The following AGBL1 variants were observed in gnomAD, a reference collection of about 807,000 sequenced individuals.
AGBL1 encodes AGBL carboxypeptidase 1, also known as cytosolic carboxypeptidase 4.
A neutral mutation model predicts 118.9 loss-of-function variants in AGBL1; 130 were observed. The ratio of observed to expected loss-of-function variants is 1.09; its 90% CI spans 0.95 to 1.26. The LOEUF is 1.26. AGBL1 is among the 50% of genes most tolerant of loss of function. The pLI is 0.00. For synonymous variants in AGBL1, 555 were observed against 478.9 expected, an observed-to-expected ratio of 1.16 and a Z score of -2.08; for missense variants, 1,584 against 1,298.1, an observed-to-expected ratio of 1.22 and a Z score of -3.38.
intron 3 of AGBL1, among the ~76,000 whole-genome samples, chr15:86,152,338 C>T (rs2077124579): frequency 6.6e-6 from 1 of 152,070 alleles, no homozygotes; most frequent in Non-Finnish European, 1.5e-5. Flanking sequence ...TGGAACAGAA[C>T]AGAGGACTCA....
chr15:86,421,653 T>C (rs960904797), intron 18 of AGBL1, among the ~76,000 whole-genome samples: 4 of 152,138 alleles, frequency 2.6e-5, no homozygotes, highest in Non-Finnish European at 5.9e-5. Context: ...AGACAAAGAC[T>C]GGCAAATTGG....
At chr15:86,824,272 C>A (rs541405388) in intron 22 of AGBL1, among the ~76,000 whole-genome samples, 2 of 152,030 alleles carry the variant, frequency 1.3e-5, no homozygotes, top group African/African-American at 4.8e-5. Context: ...ACACAAAAAC[C>A]AATCATTTTT....
chr15:86,414,192 G>A (rs2081658926), intron 18 of AGBL1, among the ~76,000 whole-genome samples: 1 of 152,132 alleles, frequency 6.6e-6, no homozygotes. Context: ...AGGTGAGGAG[G>A]AGGTGGGTGA....
chr15:86,922,485 T>C (rs1284492938), intron 23 of AGBL1, among the ~76,000 whole-genome samples: 1 of 152,110 alleles, frequency 6.6e-6, no homozygotes, highest in Non-Finnish European at 1.5e-5. Context: ...AGAGACAGGG[T>C]TTCACCCTGT....
At chr15:86,223,457 C>T (rs2141925245) in intron 5 of AGBL1, among the ~76,000 whole-genome samples, 1 of 152,284 alleles carries the variant, frequency 6.6e-6, no homozygotes, top group African/African-American at 2.4e-5. Flanking sequence ...TATACTATGG[C>T]ACCTGGATTT....
At chr15:86,794,555 G>A (rs1452452) in intron 22 of AGBL1, among the ~76,000 whole-genome samples, 144,989 of 152,272 alleles carry the variant, frequency 0.95, 69,051 homozygotes, top group East Asian at 1. Context: ...TGTGAGCGCA[G>A]TAAAAGCTAC....
At chr15:86,522,566 T>C (rs1286804515) in intron 18 of AGBL1, among the ~76,000 whole-genome samples, 2 of 152,236 alleles carry the variant, frequency 1.3e-5, no homozygotes, top group African/African-American at 4.8e-5. Context: ...CTTAAAACTC[T>C]GATAATCTGA....
intron 23 of AGBL1, among the ~76,000 whole-genome samples, chr15:86,962,151 T>G (rs1021433117): frequency 2.0e-5 from 3 of 152,136 alleles, no homozygotes; most frequent in Non-Finnish European, 4.4e-5. Flanking sequence ...TAGCAGTGTT[T>G]GAAAAGAAAG....
chr15:86,449,252 A>G (rs557789019), intron 18 of AGBL1, among the ~76,000 whole-genome samples: 34 of 152,220 alleles, frequency 2.2e-4, no homozygotes, highest in Admixed American at 3.9e-4. Context: ...GCCAGACACT[A>G]TGCTTAAGCA....
In AGBL1 at chr15:86,869,484, A is replaced by G. The variant is rs565110934; in HGVS notation, c.3159-37603A>G. Among the ~76,000 whole-genome samples the G allele has an allele frequency of 2.0e-5, 3 of 152,202 alleles. No homozygotes were observed. In the East Asian group the frequency reaches 5.8e-4, roughly 29 times the overall value. ...TTTTAATCTAAGATATGGTAAAGCT[A>G]AATGACACACTAGTGTTCAACTTCC... is the stretch of plus-strand genomic sequence containing the variant. On this transcript the variant is annotated intron_variant, in intron 22 of 22. Coordinates refer to ENST00000614907, the MANE Select transcript of AGBL1 (RefSeq NM_001386094.1).
intron 22 of AGBL1, among the ~76,000 whole-genome samples, chr15:86,746,847 C>T (rs1368976151): frequency 6.6e-6 from 1 of 151,994 alleles, no homozygotes; most frequent in Non-Finnish European, 1.5e-5. Flanking sequence ...AACAATATAA[C>T]TATAAATTCT....
intron 23 of AGBL1, chr15:86,939,592 A>G (rs1838515793): frequency 6.6e-6 from 1 of 152,174 alleles, no homozygotes; most frequent in Non-Finnish European, 1.5e-5. Flanking sequence ...CCCTTCAAAT[A>G]TACATCTATC....
At chr15:86,716,021 G>T (rs1273841326) in intron 22 of AGBL1, among the ~76,000 whole-genome samples, 2 of 149,442 alleles carry the variant, frequency 1.3e-5, no homozygotes, top group African/African-American at 2.5e-5. Context: ...AGCTGAGATG[G>T]TACCACTGCA....
rs550071632 is a variant in AGBL1, at chr15:86,764,407, G to A, written c.3158+89971G>A. Among the ~76,000 whole-genome samples the A allele has an allele frequency of 1.1e-4, 16 of 152,046 alleles. 1 individual carries two copies. The South Asian group carries it at 3.3e-3, about 32-fold the overall frequency. On this transcript the variant is annotated intron_variant, in intron 22 of 22. Coordinates refer to ENST00000614907, the MANE Select transcript of AGBL1 (RefSeq NM_001386094.1). ...GAAGGCAAGATAGGAATATGATAGG[G>A]GTATTGGCCAAAGTAATTAACTGAG... is the stretch of plus-strand genomic sequence containing the variant.
At chr15:86,340,923 C>T (rs913175936) in intron 17 of AGBL1, among the ~76,000 whole-genome samples, 2 of 152,282 alleles carry the variant, frequency 1.3e-5, no homozygotes, top group South Asian at 2.1e-4. Flanking sequence ...GACCACTACT[C>T]CTCACGTGGT....
chr15:86,802,647 G>A (rs1366988473), intron 22 of AGBL1, among the ~76,000 whole-genome samples: 1 of 152,112 alleles, frequency 6.6e-6, no homozygotes, highest in Non-Finnish European at 1.5e-5. Context: ...GCATATCATT[G>A]TTTCTGACCT....
intron 18 of AGBL1, among the ~76,000 whole-genome samples, chr15:86,411,672 C>T (rs532574195): frequency 2.6e-5 from 4 of 152,230 alleles, no homozygotes; most frequent in Admixed American, 2.6e-4. Flanking sequence ...CTTTCTGCCC[C>T]CTACCCTTCC....
chr15:86,674,540 A>G (rs1426825440), intron 22 of AGBL1, 104 bp downstream of exon 22: 3 of 1,172,568 alleles, frequency 2.6e-6, no homozygotes, highest in Non-Finnish European at 3.5e-6. Context: ...TTACACAGAG[A>G]AAATATGGAA....
intron 18 of AGBL1, among the ~76,000 whole-genome samples, chr15:86,410,841 T>TATATATATATATATATATATATAA (rs67883935): frequency 7.7e-5 from 5 of 64,562 alleles, no homozygotes; most frequent in African/African-American, 3.3e-4. Context: ...TATATATATA[T>TATATATATATATATATATATATAA]AATATACTAT....
Sources: allele counts gnomAD v4.1 joint callset (sites outside exome capture counted in the v4.1 genomes callset), GRCh38; gene constraint gnomAD v4.1.1; transcripts MANE v1.5; gene names NCBI Gene and HGNC (gene_info 2026-07-23, HGNC 2026-07-21).